The following UNC79 variants were observed in gnomAD, a reference collection of about 807,000 sequenced individuals.
The protein encoded by UNC79 is protein unc-79 homolog.
UNC79 carries 37 observed loss-of-function variants against 283.1 expected under a neutral mutation model. The observed-to-expected ratio is 0.13, with a 90% CI of 0.10 to 0.17. The LOEUF (loss-of-function observed/expected upper bound fraction) is 0.17, where lower values mean the gene tolerates loss of function less well. Ranked by LOEUF, UNC79 falls within the 10% of genes least tolerant of loss-of-function variation. The pLI is 1.00. For missense variants in UNC79, 2,272 were observed against 3,211.1 expected, an observed-to-expected ratio of 0.71 and a Z score of 7.07; for synonymous variants, 1,107 against 1,200.2, an observed-to-expected ratio of 0.92 and a Z score of 1.61.
chr14:93,454,136 G>A (rs965058590), intron 1 of UNC79, among the ~76,000 whole-genome samples: 25 of 150,866 alleles, frequency 1.7e-4, no homozygotes, highest in Non-Finnish European at 2.9e-4. Flanking sequence ...TCAATCTTCT[G>A]GGCTCAAACC....
intron 7 of UNC79, among the ~76,000 whole-genome samples, chr14:93,515,443 G>T (rs1383664962): frequency 6.6e-6 from 1 of 151,886 alleles, no homozygotes; most frequent in Non-Finnish European, 1.5e-5. Context: ...TTGTTTTCTT[G>T]TCTTCTTGTT....
chr14:93,679,984 T>G (rs1194500128), intron 41 of UNC79, among the ~76,000 whole-genome samples: 1 of 152,200 alleles, frequency 6.6e-6, no homozygotes, highest in Non-Finnish European at 1.5e-5. Context: ...TATTAAGGTT[T>G]TAGTTGTGCA....
At chr14:93,511,918 T>C (rs2059844242) in intron 7 of UNC79, among the ~76,000 whole-genome samples, 1 of 152,206 alleles carries the variant, frequency 6.6e-6, no homozygotes, top group Non-Finnish European at 1.5e-5. Context: ...CTTCTTGGGA[T>C]TAAAAAATTA....
chr14:93,345,881 A>G (rs548664351), intron 1 of UNC79, among the ~76,000 whole-genome samples: 77 of 151,920 alleles, frequency 5.1e-4, no homozygotes, highest in African/African-American at 1.8e-3. Context: ...CACAATTCCA[A>G]AGACAAAAAG....
chr14:93,591,501 C>T (rs1435490130), intron 22 of UNC79, among the ~76,000 whole-genome samples: 1 of 151,954 alleles, frequency 6.6e-6, no homozygotes, highest in Non-Finnish European at 1.5e-5. Flanking sequence ...ATAAAGTAAG[C>T]CAGAGAAAAG....
chr14:93,418,405 C>T (rs1443856505), intron 1 of UNC79, among the ~76,000 whole-genome samples: 3 of 151,628 alleles, frequency 2.0e-5, no homozygotes, highest in African/African-American at 7.2e-5. Context: ...AGTACCCGGC[C>T]ATGTGAGGTG....
At chr14:93,623,188 G>A (rs1170972000) in intron 30 of UNC79, among the ~76,000 whole-genome samples, 2 of 152,188 alleles carry the variant, frequency 1.3e-5, no homozygotes, top group African/African-American at 2.4e-5. Flanking sequence ...TGAACTCTTT[G>A]CTTTCTTTTT....
intron 3 of UNC79, among the ~76,000 whole-genome samples, chr14:93,477,082 C>T (rs1327826832): frequency 6.6e-6 from 1 of 152,118 alleles, no homozygotes; most frequent in Non-Finnish European, 1.5e-5. Context: ...TTACGGCTTC[C>T]CTTGTTTGGT....
chr14:93,484,008 A>G (rs1184294449), intron 4 of UNC79, among the ~76,000 whole-genome samples: 1 of 152,210 alleles, frequency 6.6e-6, no homozygotes, highest in African/African-American at 2.4e-5. Flanking sequence ...ATACCTGTGC[A>G]TGTGTCTTTA....
At chr14:93,610,715 A>T (rs1440327010) in intron 26 of UNC79, among the ~76,000 whole-genome samples, 5 of 151,084 alleles carry the variant, frequency 3.3e-5, no homozygotes, top group Non-Finnish European at 7.4e-5. Context: ...AGCTCATGTG[A>T]TCCTCCTGCC....
chr14:93,564,814 G>T (rs2062778490), intron 14 of UNC79, among the ~76,000 whole-genome samples: 1 of 152,158 alleles, frequency 6.6e-6, no homozygotes, highest in Admixed American at 6.5e-5. Flanking sequence ...GCCAGGATGA[G>T]CCAGGAGAAG....
intron 7 of UNC79, among the ~76,000 whole-genome samples, chr14:93,497,555 A>G (rs1396265548): frequency 1.3e-5 from 2 of 152,296 alleles, no homozygotes; most frequent in Middle Eastern, 3.4e-3. Context: ...GCTACCATTA[A>G]TCACTCCACA....
intron 18 of UNC79, 50 bp from the exon 19 acceptor site, chr14:93,580,099 C>CTTTT: frequency 7.6e-7 from 1 of 1,307,780 alleles, no homozygotes; most frequent in South Asian, 1.5e-5. Context: ...CCTTCTTCTT[C>CTTTT]TTTTTTTTTT....
chr14:93,600,516 A>G, intron 24 of UNC79, 53 bp from the exon 25 acceptor site: 1 of 1,387,750 alleles, frequency 7.2e-7, no homozygotes, highest in Non-Finnish European at 9.9e-7. Context: ...AGTAACTTAG[A>G]TGTTTATATC....
At chr14:93,527,207 T>G (rs1297872814) in intron 8 of UNC79, among the ~76,000 whole-genome samples, 2 of 152,234 alleles carry the variant, frequency 1.3e-5, no homozygotes, top group African/African-American at 4.8e-5. Flanking sequence ...CTAAGGCAGG[T>G]TCTGGCAAAC....
intron 7 of UNC79, among the ~76,000 whole-genome samples, chr14:93,510,210 T>C (rs2059754275): frequency 6.6e-6 from 1 of 152,200 alleles, no homozygotes; most frequent in African/African-American, 2.4e-5. Flanking sequence ...ATGAAACCAT[T>C]CTTCCCTCCT....
intron 35 of UNC79, among the ~76,000 whole-genome samples, chr14:93,651,612 C>A (rs573087740): frequency 6.6e-6 from 1 of 152,222 alleles, no homozygotes; most frequent in South Asian, 2.1e-4. Flanking sequence ...AGCATGTATT[C>A]TAGCTAAATT....
intron 47 of UNC79, among the ~76,000 whole-genome samples, chr14:93,698,476 GTTTTTTTTTTTT>G (rs71129655): frequency 1.3e-5 from 1 of 79,096 alleles, no homozygotes; most frequent in African/African-American, 4.0e-5. Flanking sequence ...TTTAGTTTAG[GTTTTTTTTTTTT>G]TTTTTTTTTT....
intron 47 of UNC79, 139 bp downstream of exon 50, chr14:93,694,551 C>G: frequency 1.3e-6 from 1 of 773,296 alleles, no homozygotes; most frequent in Admixed American, 2.5e-5. Context: ...CTATAACAAC[C>G]CTTTACCAAA....
Sources: allele counts gnomAD v4.1 joint callset (sites outside exome capture counted in the v4.1 genomes callset), GRCh38; gene constraint gnomAD v4.1.1; transcripts MANE v1.5; gene names NCBI Gene and HGNC (gene_info 2026-07-23, HGNC 2026-07-21).